The following DCUN1D4 variants were observed in gnomAD, a reference collection of about 807,000 sequenced individuals.
The protein encoded by DCUN1D4 is defective in cullin neddylation 1 domain containing 4.
In DCUN1D4, 22 loss-of-function variants were observed where a neutral mutation model predicts 47.9. The ratio of observed to expected loss-of-function variants is 0.46; its 90% CI spans 0.33 to 0.66. DCUN1D4 has a LOEUF of 0.66. Among genes scored for constraint, DCUN1D4 ranks in the 30% least tolerant of loss-of-function variants. The pLI is 0.02. For missense variants in DCUN1D4, 301 were observed against 340.8 expected (o/e 0.88, Z 0.92); for synonymous variants, 121 against 112.2 (o/e 1.08, Z -0.50).
intron 5 of DCUN1D4, 92 bp from the exon 6 acceptor site, chr4:51,886,476 A>T (rs547823108): frequency 1.3e-4 from 146 of 1,104,264 alleles, no homozygotes; most frequent in Non-Finnish European, 1.8e-4. Context: ...AATGGCCTTT[A>T]AGTCTTACTT....
chr4:51,898,837 T>G (rs1731672450), intron 7 of DCUN1D4, among the ~76,000 whole-genome samples: 1 of 152,194 alleles, frequency 6.6e-6, no homozygotes, highest in Non-Finnish European at 1.5e-5. Context: ...GGATCCTGAT[T>G]GAAAACAGCA....
At chr4:51,861,907 G>T (rs986790459) in intron 1 of DCUN1D4, among the ~76,000 whole-genome samples, 1 of 149,904 alleles carries the variant, frequency 6.7e-6, no homozygotes, top group East Asian at 2.0e-4. Flanking sequence ...GTAGCTTCTA[G>T]CTTCTACCCC....
chr4:51,908,470 G>T (rs1733229817), intron 8 of DCUN1D4, among the ~76,000 whole-genome samples: 1 of 152,036 alleles, frequency 6.6e-6, no homozygotes, highest in African/African-American at 2.4e-5. Context: ...GAATCTATTG[G>T]TCTGCCCCTT....
intron 1 of DCUN1D4, among the ~76,000 whole-genome samples, chr4:51,849,766 GAGCTAATACAT>G (rs1246976748): frequency 6.6e-6 from 1 of 152,014 alleles, no homozygotes; most frequent in African/African-American, 2.4e-5. Flanking sequence ...GGATGCCTAG[GAGCTAATACAT>G]AACTCCTTGT....
chr4:51,870,334 A>AT (rs1726681661), intron 3 of DCUN1D4, among the ~76,000 whole-genome samples: 2 of 152,170 alleles, frequency 1.3e-5, no homozygotes, highest in Non-Finnish European at 2.9e-5. Flanking sequence ...TTTATCATAA[A>AT]AAAATCACAG....
At chr4:51,843,410 G>C (rs1186053707) in intron 1 of DCUN1D4, 143 bp downstream of exon 1, 1 of 1,285,552 alleles carries the variant, frequency 7.8e-7, no homozygotes, top group African/African-American at 1.6e-5. Context: ...CCCCTCCCGG[G>C]GCCGGGGCGG....
At chr4:51,909,656 T>A (rs1019690464) in intron 8 of DCUN1D4, among the ~76,000 whole-genome samples, 1 of 152,104 alleles carries the variant, frequency 6.6e-6, no homozygotes, top group Non-Finnish European at 1.5e-5. Context: ...GAGAACCCTG[T>A]GGAAAGGAGG....
chr4:51,874,940 C>T (rs1183944351), intron 4 of DCUN1D4: 2 of 152,210 alleles, frequency 1.3e-5, no homozygotes, highest in Non-Finnish European at 2.9e-5. Context: ...TTATTTCAAA[C>T]ATCTTTATTG....
At chr4:51,895,079 CTAA>C (rs1162453326) in intron 7 of DCUN1D4, among the ~76,000 whole-genome samples, 1 of 151,980 alleles carries the variant, frequency 6.6e-6, no homozygotes, top group Admixed American at 6.5e-5. Flanking sequence ...CCCCCAGGAC[CTAA>C]TAATCTCACA....
At chr4:51,859,748 G>A (rs1296956569) in intron 1 of DCUN1D4, among the ~76,000 whole-genome samples, 1 of 149,422 alleles carries the variant, frequency 6.7e-6, no homozygotes, top group Non-Finnish European at 1.5e-5. Context: ...TATTTATCAA[G>A]CAGGCTGTGC....
At chr4:51,839,446 T>A (rs1034115336), upstream of DCUN1D4, among the ~76,000 whole-genome samples, 1 of 152,118 alleles carries the variant, frequency 6.6e-6, no homozygotes, top group Non-Finnish European at 1.5e-5. Flanking sequence ...AGTAGATTAG[T>A]TTACCAGTAC....
intron 3 of DCUN1D4, among the ~76,000 whole-genome samples, chr4:51,870,218 T>C (rs557017276): frequency 6.6e-6 from 1 of 152,278 alleles, no homozygotes; most frequent in South Asian, 2.1e-4. Context: ...AAAGATAAAC[T>C]TGTAAAGTCA....
rs1727922916 is a variant in DCUN1D4 at position 51,877,770 on chromosome 4, A to G, written c.259A>G (p.Arg87Gly). 1.2e-6 allele frequency: 2 copies of G among 1,604,894 alleles called. No individual in the cohort carries two copies. The highest frequency in any genetic ancestry group is 1.7e-6 in the Non-Finnish European group (2 of 1,176,120). The change falls in exon 5 of 11, where the codon AGA (arginine) becomes GGA (glycine). Residue 87 changes from arginine to glycine, a missense_variant. Arg to Gly is a moderately radical substitution (Grantham distance 125, BLOSUM62 -2). Around this residue, in one of 2 missense-constraint regions of DCUN1D4, gnomAD observed 131 missense variants for 106.3 expected, o/e 1.23. Coordinates refer to ENST00000334635, the MANE Select transcript of DCUN1D4 (RefSeq NM_001040402.3). The part of the protein sequence containing the change: ...AKKSRHDSMY[R>G]KYDSTRIKTE... ...TGCCTTTTCAATTTCCAGCATGTAT[A>G]GAAAATATGATTCGACTAGAATAAA...
chr4:51,897,591 A>G (rs549342378), intron 7 of DCUN1D4, among the ~76,000 whole-genome samples: 55 of 151,312 alleles, frequency 3.6e-4, no homozygotes, highest in African/African-American at 1.3e-3. Context: ...ATAACCAATA[A>G]GTATGCTTGC....
intron 1 of DCUN1D4, among the ~76,000 whole-genome samples, chr4:51,851,709 C>T (rs966941433): frequency 6.6e-6 from 1 of 152,098 alleles, no homozygotes; most frequent in African/African-American, 2.4e-5. Context: ...GGGACTAACA[C>T]GAATTCAGTG....
At chr4:51,880,493 C>T (rs1047419310) in intron 5 of DCUN1D4, among the ~76,000 whole-genome samples, 3 of 152,174 alleles carry the variant, frequency 2.0e-5, no homozygotes, top group Admixed American at 2.0e-4. Flanking sequence ...CTCAGTTCCA[C>T]TTTGTACCTT....
intron 8 of DCUN1D4, among the ~76,000 whole-genome samples, chr4:51,904,950 A>G (rs575605118): frequency 6.6e-6 from 1 of 152,280 alleles, no homozygotes; most frequent in South Asian, 2.1e-4. Context: ...GCAACTGACA[A>G]TGGTGGTATA....
chr4:51,851,128 A>G (rs902913546), intron 1 of DCUN1D4, among the ~76,000 whole-genome samples: 3 of 152,268 alleles, frequency 2.0e-5, no homozygotes, highest in African/African-American at 7.2e-5. Flanking sequence ...ACAGAACCAA[A>G]TGAGGCATTC....
chr4:51,846,904 A>G (rs1722636151), intron 1 of DCUN1D4, among the ~76,000 whole-genome samples: 1 of 152,198 alleles, frequency 6.6e-6, no homozygotes, highest in Non-Finnish European at 1.5e-5. Flanking sequence ...AGCACCAGAC[A>G]TCATGCCTGG....
Sources: allele counts gnomAD v4.1 joint callset (sites outside exome capture counted in the v4.1 genomes callset), GRCh38; gene constraint gnomAD v4.1.1; regional missense constraint gnomAD v4.1.1; transcripts MANE v1.5; gene names NCBI Gene and HGNC (gene_info 2026-07-23, HGNC 2026-07-21).